ADCY9: variants seen among roughly 807,000 people sequenced by gnomAD.
The protein encoded by ADCY9 is adenylate cyclase 9.
A neutral mutation model predicts 101.5 loss-of-function variants in ADCY9; 50 were observed. The observed-to-expected ratio is 0.49, with a 90% CI of 0.39 to 0.62. The LOEUF (loss-of-function observed/expected upper bound fraction) is 0.62, where lower values mean the gene tolerates loss of function less well. Ranked by LOEUF, ADCY9 falls within the 20% of genes least tolerant of loss-of-function variation. The pLI is 0.00. For missense variants in ADCY9, 1,662 were observed against 1,800.4 expected, an observed-to-expected ratio of 0.92 and a Z score of 1.39; for synonymous variants, 905 against 769.3, an observed-to-expected ratio of 1.18 and a Z score of -2.92.
At chr16:3,981,862 C>G (rs1279140651) in intron 7 of ADCY9, 1 of 152,350 alleles carries the variant, frequency 6.6e-6, no homozygotes, top group Non-Finnish European at 1.5e-5. Context: ...CTTGGCCTCC[C>G]AAAGTGCTGG....
At position 4,007,575 on chromosome 16, in the gene ADCY9, T is replaced by C. The variant is rs774853647; in HGVS notation, c.1694-17A>G. ...TCTTCAAACCTATGATGGATAAAAG[T>C]TACAGTCAGCACAGATTGAAAGCAC... On this transcript the variant is annotated splice_polypyrimidine_tract_variant and intron_variant, in intron 2 of 10. Transcript: ENST00000294016. 1.3e-6 allele frequency: 2 copies of C among 1,597,568 alleles called. No individual in the cohort carries two copies. Among genetic ancestry groups the C allele is most frequent in the Non-Finnish European group, 1.7e-6 (2 of 1,172,214 alleles).
At chr16:3,954,897 ACACGCCTACATGT>A (rs2055899423) in intron 5 of ADCY9, among the ~76,000 whole-genome samples, 2 of 152,102 alleles carry the variant, frequency 1.3e-5, no homozygotes. Flanking sequence ...GCTGAGGGGG[ACACGCCTACATGT>A]CATGCCACAA....
intron 10 of ADCY9, among the ~76,000 whole-genome samples, chr16:3,971,504 G>A (rs2056051692): frequency 6.6e-6 from 1 of 152,136 alleles, no homozygotes; most frequent in Non-Finnish European, 1.5e-5. Context: ...GACTCATTTC[G>A]TGAACTGCTA....
chr16:3,978,203 G>A (rs1049596814), intron 8 of ADCY9, among the ~76,000 whole-genome samples: 5 of 152,190 alleles, frequency 3.3e-5, no homozygotes, highest in African/African-American at 9.6e-5. Context: ...GAAATGGCAC[G>A]TGTCTTCGTG....
rs1285091633 is a variant in ADCY9, at chr16:3,992,673, C to T, written c.1990-310G>A. On this transcript the variant is annotated intron_variant, in intron 4 of 10. Transcript: ENST00000294016. This position sits in a 1 kb window ranked among gnomAD's most constrained non-coding sequence, Gnocchi z 4.2. The stretch of plus-strand genomic sequence containing the variant: ...AGGGGAAGGGAGGAAAGTGAGGAGC[C>T]GAGGCCCCCAGAGTCTGCTTAGGCC... 2.0e-5 allele frequency among the ~76,000 whole-genome samples: 3 copies of T among 152,100 alleles called. No homozygotes were observed. The highest frequency in any genetic ancestry group is 4.2e-4 in the South Asian group (2 of 4,812).
chr16:4,079,782 A>T (rs1040928979), intron 2 of ADCY9, among the ~76,000 whole-genome samples: 1 of 152,068 alleles, frequency 6.6e-6, no homozygotes, highest in Non-Finnish European at 1.5e-5. Flanking sequence ...TATTTGATAT[A>T]TATCGTATAT....
Position 3,965,964 on chromosome 16 carries a change from T to C in ADCY9, c.3873A>G (p.Thr1291=). The change falls in exon 11 of 11, where the codon ACA becomes ACG. Residue 1291 remains threonine (T), a synonymous_variant. Coordinates refer to ENST00000294016, the MANE Select transcript of ADCY9 (RefSeq NM_001116.4). ...GCGTGCTGCTGTCAGAACCCAGAGA[T>C]GTCTTGTCCACATACTGGACAGAAG... ...LVPSVQYVDK[T]SLGSDSSTQA... is the part of the protein sequence containing the mutation. The C allele has an allele frequency of 6.2e-7, 1 of 1,614,180 alleles. No individual in the cohort carries two copies. The highest frequency in any genetic ancestry group is 1.1e-5 in the South Asian group (1 of 91,088).
At chr16:4,024,445 G>A (rs960266875) in intron 2 of ADCY9, among the ~76,000 whole-genome samples, 5 of 152,184 alleles carry the variant, frequency 3.3e-5, no homozygotes, top group East Asian at 1.9e-4. Flanking sequence ...ATTGTACGAC[G>A]TCAAGCACAG....
chr16:4,078,443 G>T (rs1301819306), intron 2 of ADCY9, among the ~76,000 whole-genome samples: 1 of 151,676 alleles, frequency 6.6e-6, no homozygotes, highest in Non-Finnish European at 1.5e-5. Context: ...TACACCTGTA[G>T]TCCCAGCTAC....
chr16:4,107,245 A>T (rs1006715082), intron 2 of ADCY9, among the ~76,000 whole-genome samples: 7 of 152,138 alleles, frequency 4.6e-5, no homozygotes, highest in Non-Finnish European at 1.0e-4. Context: ...TGCATAACAG[A>T]TCCTGCTCAA....
At chr16:3,960,509 C>T (rs950702968), downstream of ADCY9, among the ~76,000 whole-genome samples, 1 of 152,056 alleles carries the variant, frequency 6.6e-6, no homozygotes, top group Non-Finnish European at 1.5e-5. Flanking sequence ...GCGAGAGAGC[C>T]AGACTCTGTC....
At chr16:3,969,583 T>A (rs1158174048) in intron 10 of ADCY9, among the ~76,000 whole-genome samples, 5 of 75,508 alleles carry the variant, frequency 6.6e-5, no homozygotes, top group African/African-American at 3.8e-4. Flanking sequence ...TATATATATA[T>A]ATATATATAT....
In ADCY9 at chr16:4,116,424, T is replaced by TGCCCCGCCCGCTGTC. The variant is rs1056772890; in HGVS notation, c.-793_-779dup. ...TGCCGCCGCCACCATCTCCGGCCCC[T>TGCCCCGCCCGCTGTC]GCCCCGCCCGCTGTCACTGACAGAC... On this transcript the variant is annotated 5_prime_UTR_variant, in exon 1 of 11. Transcript: ENST00000294016. Among the ~76,000 whole-genome samples the TGCCCCGCCCGCTGTC allele has an allele frequency of 6.9e-6, 1 of 145,044 alleles. No homozygotes were observed. The highest frequency in any genetic ancestry group is 2.5e-5 in the African/African-American group (1 of 40,356).
chr16:3,986,340 G>T (rs1383215883), intron 6 of ADCY9, among the ~76,000 whole-genome samples: 1 of 152,130 alleles, frequency 6.6e-6, no homozygotes, highest in East Asian at 1.9e-4. Flanking sequence ...TCCCCACCGG[G>T]ACCCTGTGGC....
At chr16:3,980,312 G>A (rs1036859072) in intron 7 of ADCY9, among the ~76,000 whole-genome samples, 20 of 152,208 alleles carry the variant, frequency 1.3e-4, no homozygotes, top group African/African-American at 4.3e-4. Flanking sequence ...AAGCAGCTGA[G>A]TGTGCGGGCC....
chr16:4,097,551 A>ATTTTTTT (rs1385822000), intron 2 of ADCY9, among the ~76,000 whole-genome samples: 38 of 51,032 alleles, frequency 7.4e-4, no homozygotes, highest in Admixed American at 1.5e-3. Flanking sequence ...ATATATATAT[A>ATTTTTTT]TATTTTTTTT....
rs1420398215 is a variant in ADCY9, at chr16:3,992,492, C to T, written c.1990-129G>A. The T allele has an allele frequency of 1.1e-4, 88 of 793,898 alleles. No individual in the cohort carries two copies. The South Asian group carries it at 1.1e-3, about 10-fold the overall frequency. The allele number at this position is 793,898 out of a possible 1,614,324, so 49.2% of individuals were successfully genotyped here. On this transcript the variant is annotated intron_variant, in intron 4 of 10. Transcript: ENST00000294016. This position sits in a 1 kb window ranked among gnomAD's most constrained non-coding sequence, Gnocchi z 4.2. The stretch of plus-strand genomic sequence containing the variant: ...ACTGGGCGTGGGACTTTCTGACCTG[C>T]GAGGAACCCCCACCCCCCTGCGCCT...
At chr16:4,025,549 G>A (rs113071924) in intron 2 of ADCY9, among the ~76,000 whole-genome samples, 8 of 152,332 alleles carry the variant, frequency 5.3e-5, no homozygotes, top group Non-Finnish European at 8.8e-5. Flanking sequence ...GTTGGTGTGC[G>A]AGTGTGTGCA....
chr16:4,114,450 C>T lies in ADCY9; in HGVS notation c.993G>A (p.Glu331=). ...KDLEVEKALK[E]RMIHSVMPRI... is the part of the protein sequence containing the mutation. The stretch of plus-strand genomic sequence containing the variant: ...TTGGCATCACGGAATGAATCATCCT[C>T]TCTTTGAGGGCTTTTTCCACTTCCA... Residue 331 remains glutamate, a synonymous_variant, in exon 2 of 11, where the codon GAG becomes GAA. Coordinates refer to ENST00000294016, the MANE Select transcript of ADCY9 (RefSeq NM_001116.4). This position sits in a 1 kb window ranked among gnomAD's most constrained non-coding sequence, Gnocchi z 4.3. 4 of 1,614,204 alleles carry T rather than the reference C, an allele frequency of 2.5e-6. No homozygotes were observed. The highest frequency in any genetic ancestry group is 3.4e-6 in the Non-Finnish European group (4 of 1,180,036).
Sources: allele counts gnomAD v4.1 joint callset (sites outside exome capture counted in the v4.1 genomes callset), GRCh38; gene constraint gnomAD v4.1.1; non-coding constraint Gnocchi (gnomAD v3.1); transcripts MANE v1.5; gene names NCBI Gene and HGNC (gene_info 2026-07-23, HGNC 2026-07-21).